Variants in JAKMIP3 observed in about 807,000 individuals in gnomAD.
JAKMIP3 encodes janus kinase and microtubule-interacting protein 3.
Under a neutral mutation model 118.5 loss-of-function variants are expected in JAKMIP3, and 58 were observed. The ratio of observed to expected loss-of-function variants is 0.49; its 90% CI spans 0.40 to 0.61. JAKMIP3 has a LOEUF of 0.61. Among genes scored for constraint, JAKMIP3 ranks in the 20% least tolerant of loss-of-function variants. The pLI is 0.00. For missense variants in JAKMIP3, 950 were observed against 1,109.0 expected, an observed-to-expected ratio of 0.86 and a Z score of 2.04; for synonymous variants, 486 against 451.2, an observed-to-expected ratio of 1.08 and a Z score of -0.98.
At chr10:132,146,816 C>T (rs1471084365) in intron 13 of JAKMIP3, among the ~76,000 whole-genome samples, 2 of 152,222 alleles carry the variant, frequency 1.3e-5, no homozygotes, top group East Asian at 3.8e-4. Context: ...ACACACGGAA[C>T]ATCTCTTAAA....
At chr10:132,149,354 C>T in intron 14 of JAKMIP3, 58 bp from the exon 15 acceptor site, 5 of 1,172,368 alleles carry the variant, frequency 4.3e-6, no homozygotes, top group Non-Finnish European at 6.2e-6. Context: ...CCAGCACAGT[C>T]CTCTTAGAGG....
upstream of JAKMIP3, among the ~76,000 whole-genome samples, chr10:132,060,226 G>T (rs1271028942): frequency 6.6e-6 from 1 of 152,108 alleles, no homozygotes; most frequent in African/African-American, 2.4e-5. Context: ...CTAGGTCTTT[G>T]CCTCCCCCAA....
chr10:132,136,548 G>T (rs1197603533), intron 6 of JAKMIP3, among the ~76,000 whole-genome samples: 2 of 152,214 alleles, frequency 1.3e-5, no homozygotes, highest in African/African-American at 2.4e-5. Context: ...CCTGCCCTGA[G>T]GACCCCAAAG....
chr10:132,126,922 G>C (rs2049675838), intron 3 of JAKMIP3, among the ~76,000 whole-genome samples: 1 of 152,106 alleles, frequency 6.6e-6, no homozygotes, highest in African/African-American at 2.4e-5. Flanking sequence ...TCCTTGCCAA[G>C]TTATGGTATC....
At position 132,139,368 on chromosome 10, in the gene JAKMIP3, ACG is replaced by A. The variant is rs1266073724; in HGVS notation, c.1345-1082_1345-1081del. ...TACATGTGAGTGTATATGCGTCTGT[ACG>A]TGTGTGAGTATGTGAGTGTATGAGT... On this transcript the variant is annotated intron_variant, in intron 9 of 23. Transcript: ENST00000684848. 2.4e-3 allele frequency among the ~76,000 whole-genome samples: 228 copies of A among 93,382 alleles called. 3 individuals are homozygous for A. Among genetic ancestry groups the A allele is most frequent in the Admixed American group, 4.1e-3 (39 of 9,628 alleles). The allele number at this position is 93,382 out of a possible 152,430, so 61.3% of individuals were successfully genotyped here.
intron 1 of JAKMIP3, among the ~76,000 whole-genome samples, chr10:132,069,244 C>A (rs1213266563): frequency 1.3e-5 from 2 of 152,118 alleles, no homozygotes; most frequent in Non-Finnish European, 2.9e-5. Context: ...ACTCTGAGCA[C>A]CCAGCCAGGG....
chr10:132,080,302 G>T (rs1036207189), intron 1 of JAKMIP3, among the ~76,000 whole-genome samples: 2 of 151,944 alleles, frequency 1.3e-5, no homozygotes, highest in Admixed American at 6.6e-5. Flanking sequence ...TTATTTTTTG[G>T]TTTTTGATCA....
intron 21 of JAKMIP3, 34 bp from the exon 22 acceptor site, chr10:132,166,945 TTTCC>T: frequency 7.1e-7 from 1 of 1,412,798 alleles, no homozygotes; most frequent in South Asian, 1.2e-5. Context: ...TTTCTCTTTC[TTTCC>T]TTCCGTTTCT....
intron 1 of JAKMIP3, among the ~76,000 whole-genome samples, chr10:132,095,732 T>C (rs1021360717): frequency 1.3e-5 from 2 of 152,240 alleles, no homozygotes; most frequent in Non-Finnish European, 2.9e-5. Context: ...CTGCCTGCAA[T>C]CTAGTCCCAT....
At position 132,040,275 on chromosome 10, in the gene JAKMIP3, C is replaced by G. The variant is rs1257516976; in HGVS notation, c.-138+3537C>G. Among the ~76,000 whole-genome samples the G allele has an allele frequency of 9.2e-5, 14 of 152,218 alleles. 1 individual carries two copies. Among genetic ancestry groups the G allele is most frequent in the Admixed American group, 9.2e-4 (14 of 15,286 alleles). On this transcript the variant is annotated intron_variant, in intron 1 of 23. Transcript: ENST00000657785. The stretch of plus-strand genomic sequence containing the variant: ...AGCCAGGAAGGACCCTCACCAGGAA[C>G]CAAACCGGCCGGCTCCTTGGCCTCA...
At chr10:132,050,853 T>A (rs889889800) in intron 1 of JAKMIP3, among the ~76,000 whole-genome samples, 1 of 152,250 alleles carries the variant, frequency 6.6e-6, no homozygotes, top group Non-Finnish European at 1.5e-5. Context: ...GCATGGTTGG[T>A]CTTGTTAATT....
Position 132,117,519 on chromosome 10 carries a change from A to G in JAKMIP3, c.578A>G (p.His193Arg). Residue 193 changes from histidine (H) to arginine (R), a missense_variant, in exon 3 of 24, where the codon CAC becomes CGC. Transcript: ENST00000684848. This position sits in a 1 kb window ranked among gnomAD's most constrained non-coding sequence, Gnocchi z 8.6. ...AAEIRSVYHLHQEEITRIKKE... is the reference protein window; with the variant it reads ...AAEIRSVYHLRQEEITRIKKE... ...GAGATCCGCAGCGTGTACCACCTGCACCAGGAGGAGATCACCCGCATCAAG... is the reference window on the plus strand; with the variant it reads ...GAGATCCGCAGCGTGTACCACCTGCGCCAGGAGGAGATCACCCGCATCAAG... 6.2e-7 allele frequency: 1 copy of G among 1,601,836 alleles called. No homozygotes were observed.
At position 132,179,021 on chromosome 10, in the gene JAKMIP3, G is replaced by A. The variant is rs114786866; in HGVS notation, c.*1104-3336G>A. On this transcript the variant is annotated intron_variant, in intron 23 of 23. Coordinates refer to ENST00000684848, the MANE Select transcript of JAKMIP3 (RefSeq NM_001323087.2). The surrounding 1 kb of genome is among the most constrained non-coding windows in gnomAD (Gnocchi z 4.3). ...GCGAGGTTCTGGTGCCTTCGTGCCC[G>A]TGGGGCTGGGGGCCCCGACCTGTGG... Among the ~76,000 whole-genome samples the A allele has an allele frequency of 4.5e-3, 688 of 152,328 alleles. 3 individuals are homozygous for A. The highest frequency in any genetic ancestry group is 0.014 in the African/African-American group (591 of 41,574).
At position 132,184,557 on chromosome 10, in the gene JAKMIP3, G is replaced by T. The variant is rs955054762; in HGVS notation, c.*3304G>T. 5 of 152,086 alleles carry T rather than the reference G, an allele frequency of 3.3e-5. No individual in the cohort carries two copies. The highest frequency in any genetic ancestry group is 1.2e-4 in the African/African-American group (5 of 41,420). The allele number at this position is 152,086 out of a possible 1,614,324, so 9.4% of individuals were successfully genotyped here. ...TTGTAAATTTATGCAAAAACTAACC[G>T]GGCCTGTTTTCTTACGGCGGCATGC... On this transcript the variant is annotated 3_prime_UTR_variant, in exon 24 of 24. Transcript: ENST00000684848.
chr10:132,165,663 C>T (rs1233619721), intron 21 of JAKMIP3, among the ~76,000 whole-genome samples: 1 of 152,202 alleles, frequency 6.6e-6, no homozygotes, highest in African/African-American at 2.4e-5. Context: ...TCTGCAATTG[C>T]CAGGAGAGAC....
chr10:132,100,135 G>A (rs953817886), intron 1 of JAKMIP3, among the ~76,000 whole-genome samples: 3 of 152,074 alleles, frequency 2.0e-5, no homozygotes, highest in African/African-American at 7.2e-5. Flanking sequence ...TCTGCCCAGT[G>A]GGTGTCCCAC....
At chr10:132,132,767 C>T (rs2050880940) in intron 3 of JAKMIP3, among the ~76,000 whole-genome samples, 1 of 152,196 alleles carries the variant, frequency 6.6e-6, no homozygotes, top group Non-Finnish European at 1.5e-5. Context: ...GGTGCCCCTA[C>T]GTTGCACAGC....
intron 16 of JAKMIP3, among the ~76,000 whole-genome samples, chr10:132,150,993 C>T (rs1488969481): frequency 6.6e-6 from 1 of 152,052 alleles, no homozygotes; most frequent in Non-Finnish European, 1.5e-5. Flanking sequence ...ATTCTCCATC[C>T]TCCATCTGTC....
chr10:132,147,398 G>T (rs2054836977), intron 13 of JAKMIP3, among the ~76,000 whole-genome samples: 1 of 152,208 alleles, frequency 6.6e-6, no homozygotes, highest in Admixed American at 6.5e-5. Context: ...GGGGACTCCT[G>T]CATCCGGTTT....
Sources: gnomAD v4.1 joint callset for allele counts (sites outside exome capture counted in the v4.1 genomes callset) on GRCh38, gnomAD v4.1.1 for gene constraint, Gnocchi (gnomAD v3.1) non-coding constraint, MANE v1.5 for transcripts, NCBI Gene and HGNC (gene_info 2026-07-23, HGNC 2026-07-21) for gene names.